The following HPSE2 variants were observed in gnomAD, a reference collection of about 807,000 sequenced individuals.
HPSE2 encodes inactive heparanase-2.
In HPSE2, 38 loss-of-function variants were observed where a neutral mutation model predicts 60.5. The observed-to-expected ratio is 0.63, with a 90% CI of 0.48 to 0.82. The LOEUF is 0.82. Among genes scored for constraint, HPSE2 ranks in the 40% least tolerant of loss-of-function variants. HPSE2 has a pLI of 0.00. For synonymous variants in HPSE2, 295 were observed against 293.2 expected, an observed-to-expected ratio of 1.01 and a Z score of -0.06; for missense variants, 713 against 740.4, an observed-to-expected ratio of 0.96 and a Z score of 0.43.
rs150004388 is a variant in HPSE2, at chr10:98,518,697, A to G, written c.1321-28501T>C. ...ACTCCAGCCTGGGCCACAGAGTGAG[A>G]CTCCATCCCACGAGGAAAAAAAAAA... On this transcript the variant is annotated intron_variant, in intron 9 of 11. Coordinates refer to ENST00000370552, the MANE Select transcript of HPSE2 (RefSeq NM_021828.5). Among the ~76,000 whole-genome samples the G allele has an allele frequency of 3.2e-3, 410 of 129,710 alleles. 1 individual carries two copies. Among genetic ancestry groups the G allele is most frequent in the African/African-American group, 9.9e-3 (382 of 38,656 alleles). The allele number at this position is 129,710 out of a possible 152,430, so 85.1% of individuals were successfully genotyped here.
chr10:98,979,299 C>A (rs1176789469), intron 3 of HPSE2, among the ~76,000 whole-genome samples: 2 of 152,168 alleles, frequency 1.3e-5, no homozygotes, highest in South Asian at 2.1e-4. Flanking sequence ...GTAATTGATA[C>A]CAGAGGCCAC....
intron 3 of HPSE2, among the ~76,000 whole-genome samples, chr10:98,960,402 A>C (rs1302259307): frequency 2.6e-5 from 4 of 152,128 alleles, no homozygotes; most frequent in Non-Finnish European, 5.9e-5. Context: ...TTGTTTTTCC[A>C]TTTATAGTAG....
At chr10:98,754,214 C>A (rs11189801) in intron 3 of HPSE2, among the ~76,000 whole-genome samples, 57,042 of 152,020 alleles carry the variant, frequency 0.38, 12,449 homozygotes, top group South Asian at 0.51. Flanking sequence ...GTGATACAAT[C>A]TGGAAGTATT....
At chr10:99,046,947 C>A (rs1162480824) in intron 3 of HPSE2, among the ~76,000 whole-genome samples, 2 of 152,056 alleles carry the variant, frequency 1.3e-5, no homozygotes, top group African/African-American at 4.8e-5. Context: ...TCATTCTTCA[C>A]AAAATTAGAA....
At chr10:98,656,916 C>A (rs902534379) in intron 6 of HPSE2, among the ~76,000 whole-genome samples, 8 of 152,058 alleles carry the variant, frequency 5.3e-5, no homozygotes, top group Non-Finnish European at 7.4e-5. Flanking sequence ...CACCCGCCAC[C>A]ACATCCGGCT....
chr10:98,590,390 C>G (rs932878623), intron 9 of HPSE2, among the ~76,000 whole-genome samples: 2 of 152,214 alleles, frequency 1.3e-5, no homozygotes, highest in Non-Finnish European at 2.9e-5. Flanking sequence ...TGCACCGGAG[C>G]CAAGATTGCA....
At chr10:99,250,692 C>T in the HPSE2 span, among the ~76,000 whole-genome samples, 2 of 152,084 alleles carry the variant, frequency 1.3e-5, no homozygotes, top group Non-Finnish European at 1.5e-5. Context: ...GAAATCAATA[C>T]CAAGAAGATC....
chr10:98,508,315 T>C (rs755219282), intron 9 of HPSE2, among the ~76,000 whole-genome samples: 2 of 152,164 alleles, frequency 1.3e-5, no homozygotes, highest in Non-Finnish European at 2.9e-5. Context: ...CAAAGTAGTA[T>C]ATGGAGTGAG....
At chr10:99,283,128 G>T in the HPSE2 span, among the ~76,000 whole-genome samples, 1 of 151,108 alleles carries the variant, frequency 6.6e-6, no homozygotes, top group African/African-American at 2.4e-5. Context: ...AGAGCTTGCA[G>T]TGAGCCAAGA....
the HPSE2 span, among the ~76,000 whole-genome samples, chr10:99,291,582 GA>G: frequency 2.0e-3 from 235 of 115,628 alleles, 3 homozygotes; most frequent in South Asian, 4.5e-3. Flanking sequence ...GACTCCATCT[GA>G]AAAAAAAAAA....
At chr10:99,297,266 A>T in the HPSE2 span, among the ~76,000 whole-genome samples, 11 of 152,144 alleles carry the variant, frequency 7.2e-5, no homozygotes. Context: ...CCACCCATGC[A>T]AGCCCTTCCC....
Position 98,552,293 on chromosome 10 carries a change from G to GATCATCATC in HPSE2, c.1321-62106_1321-62098dup, listed in dbSNP as rs6144046. Among the ~76,000 whole-genome samples, 530 of 151,246 alleles carry GATCATCATC rather than the reference G, an allele frequency of 3.5e-3. 4 individuals carry two copies. Among genetic ancestry groups the GATCATCATC allele is most frequent in the African/African-American group, 0.012 (504 of 41,292 alleles). Reference sequence around the variant, plus strand: ...TTACTTAGCCTCTCTGTGTAATGGAGATCATCATCATCATCATCATCATCA... The same window carrying GATCATCATC: ...TTACTTAGCCTCTCTGTGTAATGGAGATCATCATCATCATCATCATCATCATCATCATCA... On this transcript the variant is annotated intron_variant, in intron 9 of 11. Coordinates refer to ENST00000370552, the MANE Select transcript of HPSE2 (RefSeq NM_021828.5).
intron 3 of HPSE2, among the ~76,000 whole-genome samples, chr10:99,033,717 A>C (rs1431362390): frequency 6.6e-6 from 1 of 152,176 alleles, no homozygotes; most frequent in Non-Finnish European, 1.5e-5. Flanking sequence ...CAGGAGGTGA[A>C]GCTTGCAGTA....
chr10:98,967,057 G>C (rs947929254), intron 3 of HPSE2, among the ~76,000 whole-genome samples: 1 of 152,206 alleles, frequency 6.6e-6, no homozygotes, highest in Admixed American at 6.5e-5. Flanking sequence ...ACTGGCACCA[G>C]TGAACCACGA....
chr10:98,616,272 T>G (rs1349448230), intron 8 of HPSE2, among the ~76,000 whole-genome samples: 1 of 152,170 alleles, frequency 6.6e-6, no homozygotes, highest in African/African-American at 2.4e-5. Context: ...TTCTCCACCT[T>G]TCCTCTGTCA....
intron 2 of HPSE2, among the ~76,000 whole-genome samples, chr10:99,225,657 T>C (rs1849449063): frequency 6.6e-6 from 1 of 152,056 alleles, no homozygotes; most frequent in Non-Finnish European, 1.5e-5. Context: ...TGAATGTGTC[T>C]AGTGATTTGG....
intron 6 of HPSE2, among the ~76,000 whole-genome samples, chr10:98,688,730 C>T (rs1267930370): frequency 6.6e-6 from 1 of 151,750 alleles, no homozygotes; most frequent in Non-Finnish European, 1.5e-5. Flanking sequence ...CCTGTCTCAG[C>T]CTCCCAAAGT....
chr10:99,102,391 A>T (rs1436767289), intron 3 of HPSE2, among the ~76,000 whole-genome samples: 2 of 152,336 alleles, frequency 1.3e-5, no homozygotes, highest in Admixed American at 1.3e-4. Flanking sequence ...GAAGAAATGG[A>T]TAAATTCCTG....
At chr10:99,154,145 T>G (rs1212562974) in intron 2 of HPSE2, among the ~76,000 whole-genome samples, 1 of 141,172 alleles carries the variant, frequency 7.1e-6, no homozygotes, top group Non-Finnish European at 1.6e-5. Context: ...CTGAAAGTGA[T>G]GGGGAGAATG....
Sources: gnomAD v4.1 joint callset for allele counts (sites outside exome capture counted in the v4.1 genomes callset) on GRCh38, gnomAD v4.1.1 for gene constraint, MANE v1.5 for transcripts, NCBI Gene and HGNC (gene_info 2026-07-23, HGNC 2026-07-21) for gene names.